The following TRPM3 variants were observed in gnomAD, a reference collection of about 807,000 sequenced individuals.
The protein encoded by TRPM3 is transient receptor potential cation channel subfamily M member 3.
Under a neutral mutation model 181.2 loss-of-function variants are expected in TRPM3, and 77 were observed. That is an observed-to-expected ratio of 0.42 (90% confidence interval 0.35 to 0.51). TRPM3 has a LOEUF of 0.51. Among genes scored for constraint, TRPM3 ranks in the 20% least tolerant of loss-of-function variants. The pLI, the probability that TRPM3 is intolerant of heterozygous loss-of-function variation, is 0.01. For missense variants in TRPM3, 1,759 were observed against 2,196.7 expected (o/e 0.80, Z 3.98); for synonymous variants, 745 against 796.4 (o/e 0.94, Z 1.09).
intron 21 of TRPM3, among the ~76,000 whole-genome samples, chr9:70,592,643 A>T (rs1392764403): frequency 6.6e-6 from 1 of 151,888 alleles, no homozygotes; most frequent in African/African-American, 2.4e-5. Flanking sequence ...TACTTCCTGA[A>T]GGGATGCCCA....
intron 1 of TRPM3, among the ~76,000 whole-genome samples, chr9:70,982,792 C>T (rs1054787644): frequency 6.6e-6 from 1 of 152,178 alleles, no homozygotes; most frequent in African/African-American, 2.4e-5. Context: ...CCTTCACTTT[C>T]CAGCTTCAAG....
chr9:71,007,366 C>T (rs2097691069), intron 1 of TRPM3, among the ~76,000 whole-genome samples: 1 of 152,056 alleles, frequency 6.6e-6, no homozygotes, highest in African/African-American at 2.4e-5. Flanking sequence ...ATGTACCTAA[C>T]AGACATTTAC....
chr9:70,864,220 G>A (rs77918188), intron 2 of TRPM3, among the ~76,000 whole-genome samples: 2,082 of 152,044 alleles, frequency 0.014, 50 homozygotes, highest in African/African-American at 0.047. Context: ...TGGTATATAT[G>A]TTTTTCTTTA....
chr9:71,072,765 T>A (rs2062942799), intron 1 of TRPM3, among the ~76,000 whole-genome samples: 1 of 152,202 alleles, frequency 6.6e-6, no homozygotes. Context: ...GAAAGCAGGA[T>A]GTTGGAAAAC....
chr9:70,811,346 A>G, intron 6 of TRPM3: 3 of 976,598 alleles, frequency 3.1e-6, no homozygotes, highest in Non-Finnish European at 4.7e-6. Flanking sequence ...TATATACGTG[A>G]TGGCAACTCA....
intron 1 of TRPM3, among the ~76,000 whole-genome samples, chr9:71,332,680 G>A (rs571505997): frequency 6.6e-6 from 1 of 151,662 alleles, no homozygotes; most frequent in South Asian, 2.1e-4. Flanking sequence ...TCATGAAGAT[G>A]CTACTTCACA....
At chr9:71,437,573 C>T (rs1014268967) in intron 1 of TRPM3, among the ~76,000 whole-genome samples, 8 of 151,984 alleles carry the variant, frequency 5.3e-5, no homozygotes, top group African/African-American at 1.9e-4. Context: ...TTATAGCCTG[C>T]AAAACCTAAA....
intron 6 of TRPM3, among the ~76,000 whole-genome samples, chr9:70,799,084 C>T (rs186589984): frequency 1.3e-5 from 2 of 152,202 alleles, no homozygotes; most frequent in Admixed American, 1.3e-4. Context: ...ATCTCGGTCA[C>T]CAGGGAGAAA....
intron 1 of TRPM3, among the ~76,000 whole-genome samples, chr9:70,986,575 G>A (rs1482250230): frequency 6.6e-6 from 1 of 152,066 alleles, no homozygotes; most frequent in Non-Finnish European, 1.5e-5. Context: ...CCATTTCACA[G>A]ACAAGGAAAC....
intron 8 of TRPM3, among the ~76,000 whole-genome samples, chr9:70,749,134 T>C (rs547178093): frequency 2.0e-4 from 31 of 152,254 alleles, no homozygotes; most frequent in African/African-American, 6.3e-4. Flanking sequence ...CCATTACTAA[T>C]ATACAGTCCC....
intron 1 of TRPM3, among the ~76,000 whole-genome samples, chr9:71,345,592 G>A (rs1437872245): frequency 6.6e-6 from 1 of 151,874 alleles, no homozygotes; most frequent in Non-Finnish European, 1.5e-5. Context: ...CCTGTCGGGG[G>A]GTGGGGGGCA....
intron 19 of TRPM3, among the ~76,000 whole-genome samples, chr9:70,604,032 G>A (rs1382951783): frequency 6.6e-6 from 1 of 152,190 alleles, no homozygotes; most frequent in Non-Finnish European, 1.5e-5. Flanking sequence ...CCACTTTCCT[G>A]TCCTAATCAA....
intron 1 of TRPM3, among the ~76,000 whole-genome samples, chr9:71,223,494 C>T (rs1477529860): frequency 3.3e-5 from 5 of 152,152 alleles, no homozygotes; most frequent in Non-Finnish European, 7.4e-5. Context: ...TGGTAGCTAC[C>T]AGGAGAGACT....
chr9:71,356,082 G>T (rs1291483885), intron 1 of TRPM3, among the ~76,000 whole-genome samples: 1 of 152,094 alleles, frequency 6.6e-6, no homozygotes, highest in Non-Finnish European at 1.5e-5. Flanking sequence ...ATAACCAGCA[G>T]GTGGGTCTCT....
intron 1 of TRPM3, among the ~76,000 whole-genome samples, chr9:70,887,803 C>G (rs1344482317): frequency 2.0e-5 from 3 of 152,134 alleles, no homozygotes; most frequent in Non-Finnish European, 4.4e-5. Flanking sequence ...TAAATACACA[C>G]TCTCATAAGC....
In TRPM3 at chr9:70,928,742, T is replaced by C. The variant is rs570015927; in HGVS notation, c.178-64231A>G. Among the ~76,000 whole-genome samples, 20 of 152,246 alleles carry C rather than the reference T, an allele frequency of 1.3e-4. No homozygotes were observed. The East Asian group carries it at 3.5e-3, about 26-fold the overall frequency. On this transcript the variant is annotated intron_variant, in intron 1 of 25. Transcript: ENST00000677713. ...GAACATGATGTACAGAGGGGTGTGG[T>C]TGAATAACATGGGTGTATGAACAGA...
chr9:70,783,946 T>G (rs967249132), intron 7 of TRPM3, 159 bp downstream of exon 7: 1 of 1,407,664 alleles, frequency 7.1e-7, no homozygotes, highest in Non-Finnish European at 9.3e-7. Context: ...TTCTCTGTTC[T>G]TCACCACAGC....
rs1450396074 is a variant in TRPM3 at position 71,368,099 on chromosome 9, T to G, written c.183+78554A>C. 2.0e-5 allele frequency among the ~76,000 whole-genome samples: 3 copies of G among 149,120 alleles called. No homozygotes were observed. The East Asian group carries it at 6.0e-4, about 30-fold the overall frequency. Reference sequence around the variant, plus strand: ...AAGTTTCAGTAACCAGGGTTACACCTAAACATCTGAAGAAAGGACCAAGAT... The same window carrying G: ...AAGTTTCAGTAACCAGGGTTACACCGAAACATCTGAAGAAAGGACCAAGAT... On this transcript the variant is annotated intron_variant, in intron 1 of 24. Transcript: ENST00000357533.
chr9:71,394,548 C>A (rs751471025), intron 1 of TRPM3, among the ~76,000 whole-genome samples: 1 of 152,184 alleles, frequency 6.6e-6, no homozygotes, highest in Non-Finnish European at 1.5e-5. Context: ...CCTGCACAGG[C>A]ATATAAGTCA....
Sources: allele counts gnomAD v4.1 joint callset (sites outside exome capture counted in the v4.1 genomes callset), GRCh38; gene constraint gnomAD v4.1.1; transcripts MANE v1.5; gene names NCBI Gene and HGNC (gene_info 2026-07-23, HGNC 2026-07-21).